The following DLGAP3 variants were observed in gnomAD, a reference collection of about 807,000 sequenced individuals.
The protein encoded by DLGAP3 is DLG associated protein 3, also known as disks large-associated protein 3.
In DLGAP3, 17 loss-of-function variants were observed where a neutral mutation model predicts 81.2. That is an observed-to-expected ratio of 0.21 (90% CI 0.14 to 0.31). DLGAP3 has a LOEUF of 0.31. Ranked by LOEUF, DLGAP3 falls within the 10% of genes least tolerant of loss-of-function variation. The pLI, the probability that DLGAP3 is intolerant of heterozygous loss-of-function variation, is 1.00. For synonymous variants in DLGAP3, 577 were observed against 587.4 expected (o/e 0.98, Z 0.26); for missense variants, 1,124 against 1,388.0 (o/e 0.81, Z 3.02).
rs1264137360 is a variant in DLGAP3, at chr1:34,920,156, C to T, written c.-135+9295G>A. On this transcript the variant is annotated intron_variant, in intron 1 of 11. Coordinates refer to ENST00000373347, the MANE Select transcript of DLGAP3 (RefSeq NM_001080418.3). ...TTCTCTCTACTCCTCTCACAGTCCA[C>T]GTGCCTCTCTCCAAGTGTCTCTAAG... 3.3e-5 allele frequency among the ~76,000 whole-genome samples: 5 copies of T among 152,304 alleles called. No individual in the cohort carries two copies. In the South Asian group the frequency reaches 6.2e-4, roughly 19 times the overall value.
intron 8 of DLGAP3, among the ~76,000 whole-genome samples, chr1:34,871,542 T>C (rs1211914457): frequency 1.3e-5 from 2 of 152,190 alleles, no homozygotes; most frequent in Non-Finnish European, 2.9e-5. Flanking sequence ...TTAGGATGCA[T>C]CTTGACTTAC....
chr1:34,869,227 A>C, intron 8 of DLGAP3, 138 bp from the exon 9 acceptor site: 1 of 658,578 alleles, frequency 1.5e-6, no homozygotes, highest in Non-Finnish European at 2.6e-6. Context: ...CTTTAAATAT[A>C]TTGGTCCTTG....
chr1:34,920,495 A>C (rs1197544812), intron 1 of DLGAP3, among the ~76,000 whole-genome samples: 2 of 152,122 alleles, frequency 1.3e-5, no homozygotes, highest in East Asian at 3.9e-4. Context: ...TCCCCTACTA[A>C]AACAGCAGAT....
At chr1:34,901,906 A>C (rs1268715569) in intron 3 of DLGAP3, among the ~76,000 whole-genome samples, 2 of 152,242 alleles carry the variant, frequency 1.3e-5, no homozygotes, top group East Asian at 1.9e-4. Context: ...GGAAAGAGCC[A>C]GTAAAAATAG....
At position 34,904,268 on chromosome 1, in the gene DLGAP3, A is replaced by G. The variant is rs1360347441; in HGVS notation, c.1107+9T>C. ...AGGACTCTGTTCCCCAACCCCAAAA[A>G]AGCCTCACCTGCAGATAGTGATAAG... On this transcript the variant is annotated intron_variant, in intron 3 of 11. Transcript: ENST00000373347. The surrounding 1 kb of genome is among the most constrained non-coding windows in gnomAD (Gnocchi z 8.1). The G allele has an allele frequency of 1.2e-6, 2 of 1,601,818 alleles. No individual in the cohort carries two copies. The highest frequency in any genetic ancestry group is 1.7e-5 in the Admixed American group (1 of 60,022).
At chr1:34,871,683 G>A (rs149561718) in intron 8 of DLGAP3, among the ~76,000 whole-genome samples, 24 of 152,306 alleles carry the variant, frequency 1.6e-4, no homozygotes, top group African/African-American at 4.3e-4. Context: ...CCACACCTGC[G>A]TGCTTTCCTG....
chr1:34,922,019 C>A (rs1284686496), intron 1 of DLGAP3, among the ~76,000 whole-genome samples: 1 of 152,078 alleles, frequency 6.6e-6, no homozygotes, highest in Non-Finnish European at 1.5e-5. Context: ...TGCACTTGGG[C>A]CCCCCTCTTA....
chr1:34,912,718 T>A (rs1010554067), intron 1 of DLGAP3, among the ~76,000 whole-genome samples: 5 of 152,184 alleles, frequency 3.3e-5, no homozygotes, highest in Non-Finnish European at 1.5e-5. Context: ...AGGCTTTGTC[T>A]ACCCACTCCC....
At chr1:34,911,761 A>C (rs1219378682) in intron 1 of DLGAP3, among the ~76,000 whole-genome samples, 1 of 152,174 alleles carries the variant, frequency 6.6e-6, no homozygotes, top group Non-Finnish European at 1.5e-5. Flanking sequence ...TTGTTGTTAC[A>C]AATCTCACTG....
intron 1 of DLGAP3, among the ~76,000 whole-genome samples, chr1:34,922,816 G>A (rs1175942273): frequency 6.6e-6 from 1 of 152,108 alleles, no homozygotes; most frequent in Non-Finnish European, 1.5e-5. Context: ...TTCTCTCCAA[G>A]TACATCACAA....
At chr1:34,891,226 C>T (rs1048475540) in intron 5 of DLGAP3, among the ~76,000 whole-genome samples, 1 of 152,212 alleles carries the variant, frequency 6.6e-6, no homozygotes, top group Non-Finnish European at 1.5e-5. Flanking sequence ...AGGCTGCTCT[C>T]GTTCACCAGG....
chr1:34,892,443 GA>G (rs1190478476), intron 5 of DLGAP3, among the ~76,000 whole-genome samples: 5 of 152,152 alleles, frequency 3.3e-5, no homozygotes, highest in Admixed American at 1.3e-4. Context: ...AGATAGGGCA[GA>G]AAAAAATATT....
At chr1:34,903,488 G>A (rs1054643304) in intron 3 of DLGAP3, among the ~76,000 whole-genome samples, 9 of 152,268 alleles carry the variant, frequency 5.9e-5, no homozygotes, top group South Asian at 2.1e-4. Flanking sequence ...CTAAAATTAC[G>A]GCAGGACTTA....
intron 1 of DLGAP3, among the ~76,000 whole-genome samples, chr1:34,928,401 C>A (rs1276569801): frequency 6.6e-6 from 1 of 150,818 alleles, no homozygotes; most frequent in Non-Finnish European, 1.5e-5. Flanking sequence ...GGCACATACT[C>A]CAGCTCGCCC....
intron 8 of DLGAP3, among the ~76,000 whole-genome samples, chr1:34,883,229 C>T (rs1400863546): frequency 1.3e-5 from 2 of 152,206 alleles, no homozygotes; most frequent in African/African-American, 4.8e-5. Flanking sequence ...TTTGATGTTT[C>T]CTGAAGCATT....
chr1:34,906,016 T>TTATTTATATATATATATATATATATA (rs1553123745), intron 2 of DLGAP3, among the ~76,000 whole-genome samples: 6 of 64,810 alleles, frequency 9.3e-5, no homozygotes, highest in South Asian at 7.0e-4. Flanking sequence ...GCCTCTAAAT[T>TTATTTATATATATATATATATATATA]TATATATATA....
At chr1:34,925,185 C>G (rs973163391) in intron 1 of DLGAP3, among the ~76,000 whole-genome samples, 2 of 98,920 alleles carry the variant, frequency 2.0e-5, no homozygotes, top group Admixed American at 8.4e-5. Flanking sequence ...ACCTGACAAC[C>G]CCCCCCCCAC....
At chr1:34,884,379 G>A (rs770443986) in intron 8 of DLGAP3, among the ~76,000 whole-genome samples, 2 of 152,018 alleles carry the variant, frequency 1.3e-5, no homozygotes, top group Non-Finnish European at 2.9e-5. Context: ...AGCTGGCAAT[G>A]CTAATTCTTC....
intron 8 of DLGAP3, among the ~76,000 whole-genome samples, chr1:34,869,405 T>C (rs1638944211): frequency 6.6e-6 from 1 of 151,638 alleles, no homozygotes; most frequent in African/African-American, 2.4e-5. Context: ...AGAGGCTAGA[T>C]TGTGGGGTGG....
Sources: allele counts gnomAD v4.1 joint callset (sites outside exome capture counted in the v4.1 genomes callset), GRCh38; gene constraint gnomAD v4.1.1; non-coding constraint Gnocchi (gnomAD v3.1); transcripts MANE v1.5; gene names NCBI Gene and HGNC (gene_info 2026-07-23, HGNC 2026-07-21).